Variants in EMCN observed in about 807,000 individuals in gnomAD.
EMCN encodes MUC-14.
A neutral mutation model predicts 38.4 loss-of-function variants in EMCN; 37 were observed. The ratio of observed to expected loss-of-function variants is 0.96; its 90% CI spans 0.74 to 1.27. EMCN has a LOEUF of 1.27. Among genes scored for constraint, EMCN ranks in the 50% most tolerant of loss-of-function variants. The pLI, the probability that EMCN is intolerant of heterozygous loss-of-function variation, is 0.00. For synonymous variants in EMCN, 95 were observed against 100.8 expected, an observed-to-expected ratio of 0.94 and a Z score of 0.35; for missense variants, 318 against 302.8, an observed-to-expected ratio of 1.05 and a Z score of -0.37.
intron 11 of EMCN, among the ~76,000 whole-genome samples, chr4:100,399,447 A>C (rs1198751073): frequency 1.3e-5 from 2 of 152,108 alleles, no homozygotes; most frequent in Non-Finnish European, 2.9e-5. Context: ...GGGATGGCCG[A>C]ACTGTTGCTT....
intron 1 of EMCN, among the ~76,000 whole-genome samples, chr4:100,514,883 C>G (rs1729713508): frequency 6.6e-6 from 1 of 152,058 alleles, no homozygotes; most frequent in Admixed American, 6.6e-5. Context: ...CTCTTAAAGC[C>G]TACAATATAG....
intron 5 of EMCN, 118 bp downstream of exon 5, chr4:100,447,415 G>A (rs1578200412): frequency 1.1e-5 from 8 of 702,798 alleles, no homozygotes; most frequent in African/African-American, 7.1e-5. Context: ...TATTTGTGAT[G>A]TAATGTTTTC....
intron 2 of EMCN, among the ~76,000 whole-genome samples, chr4:100,478,276 GC>G (rs1202675382): frequency 1.3e-5 from 2 of 152,066 alleles, no homozygotes; most frequent in African/African-American, 4.8e-5. Flanking sequence ...TCTCTCAGTA[GC>G]TCTCATTAGA....
In EMCN at chr4:100,517,832, G is replaced by A. The variant is rs1432277089; in HGVS notation, c.64+19C>T. The A allele has an allele frequency of 5.0e-6, 8 of 1,610,918 alleles. No individual in the cohort carries two copies. Among genetic ancestry groups the A allele is most frequent in the Non-Finnish European group, 6.8e-6 (8 of 1,177,624 alleles). ...TGATTTCCAATCCGTACCACCAGAG[G>A]AATAAGAGACAAAAATACCTGTGCT... On this transcript the variant is annotated intron_variant, in intron 1 of 11. Coordinates refer to ENST00000296420, the MANE Select transcript of EMCN (RefSeq NM_016242.4).
At chr4:100,455,511 T>TG (rs1004714537) in intron 4 of EMCN, among the ~76,000 whole-genome samples, 2 of 95,596 alleles carry the variant, frequency 2.1e-5, no homozygotes, top group African/African-American at 8.4e-5. Context: ...GGTGAAAAGT[T>TG]TTTTTTTTTT....
chr4:100,468,494 C>T (rs1728385289), intron 3 of EMCN, among the ~76,000 whole-genome samples: 1 of 152,128 alleles, frequency 6.6e-6, no homozygotes, highest in Non-Finnish European at 1.5e-5. Flanking sequence ...ATTTGAATTA[C>T]AGCATTGTTT....
chr4:100,418,472 G>A (rs964070764), intron 8 of EMCN, among the ~76,000 whole-genome samples: 1 of 151,932 alleles, frequency 6.6e-6, no homozygotes, highest in Non-Finnish European at 1.5e-5. Context: ...GCCCTGTTGT[G>A]CTGTCAAATA....
rs1726114255 is a variant in EMCN, at chr4:100,396,189, G to A, written c.*2224C>T. 6.6e-6 allele frequency: 1 copy of A among 152,036 alleles called. No individual in the cohort carries two copies. The highest frequency in any genetic ancestry group is 2.4e-5 in the African/African-American group (1 of 41,396). The allele number at this position is 152,036 out of a possible 1,614,324, so 9.4% of individuals were successfully genotyped here. On this transcript the variant is annotated 3_prime_UTR_variant, in exon 12 of 12. Transcript: ENST00000296420. ...CTTTGAGATTGATATAAAATGCCGT[G>A]GACATCTCTGTAAACTTCTCAATCC...
intron 1 of EMCN, among the ~76,000 whole-genome samples, chr4:100,491,268 T>A (rs1363071737): frequency 6.6e-6 from 1 of 152,180 alleles, no homozygotes. Context: ...GGTTGATGAA[T>A]CTACTCTTAC....
At chr4:100,415,081 G>C (rs1023559116) in intron 10 of EMCN, among the ~76,000 whole-genome samples, 1 of 151,960 alleles carries the variant, frequency 6.6e-6, no homozygotes, top group Admixed American at 6.6e-5. Context: ...TTTTTCAGTA[G>C]TGACAGAGTT....
chr4:100,423,183 G>T, intron 6 of EMCN, 103 bp from the exon 7 acceptor site: 1 of 1,343,136 alleles, frequency 7.4e-7, no homozygotes, highest in Non-Finnish European at 1.1e-6. Flanking sequence ...TTGTAGGTAT[G>T]ATGCTGCAAG....
chr4:100,417,136 G>T lies in EMCN; in HGVS notation c.670C>A (p.Pro224Thr). The T allele has an allele frequency of 6.2e-7, 1 of 1,613,720 alleles. No individual in the cohort carries two copies. Among genetic ancestry groups the T allele is most frequent in the Middle Eastern group, 1.7e-4 (1 of 6,060 alleles). Residue 224 changes from proline (P) to threonine (T), a missense_variant, in exon 9 of 12, where the codon CCA (proline) becomes ACA (threonine). Physicochemically the swap from Pro to Thr is conservative, Grantham distance 38. Coordinates refer to ENST00000296420, the MANE Select transcript of EMCN (RefSeq NM_016242.4). Reference protein sequence around the residue: ...RMCWKADPGTPENGNDQPQSD... With the variant: ...RMCWKADPGTTENGNDQPQSD... ...ACTTACTGATCATTTCCATTTTCTG[G>T]TGTGCCTAGGAGAAGAGGGAGTTGT...
At chr4:100,418,707 C>T (rs539379437) in intron 8 of EMCN, among the ~76,000 whole-genome samples, 2 of 152,098 alleles carry the variant, frequency 1.3e-5, no homozygotes, top group Non-Finnish European at 2.9e-5. Flanking sequence ...CATGTTGTTG[C>T]AAATGACAGG....
intron 1 of EMCN, among the ~76,000 whole-genome samples, chr4:100,497,102 A>C (rs1729226598): frequency 6.6e-6 from 1 of 152,002 alleles, no homozygotes; most frequent in South Asian, 2.1e-4. Context: ...GGTAGAAACT[A>C]AGGGCCATGT....
Position 100,416,949 on chromosome 4 carries a change from A to G in EMCN, c.689+168T>C, listed in dbSNP as rs41275727. 3.2e-3 allele frequency among the ~76,000 whole-genome samples: 485 copies of G among 152,306 alleles called. 7 individuals carry two copies. The highest frequency in any genetic ancestry group is 0.022 in the South Asian group (105 of 4,822). ...CCATTCTAAGATTAAACATGATCTT[A>G]CATTTGGAATTTCTCTGTTAAATGG... On this transcript the variant is annotated intron_variant, in intron 9 of 11. Coordinates refer to ENST00000296420, the MANE Select transcript of EMCN (RefSeq NM_016242.4).
At chr4:100,500,535 C>T (rs1012064302) in intron 1 of EMCN, among the ~76,000 whole-genome samples, 1 of 152,098 alleles carries the variant, frequency 6.6e-6, no homozygotes, top group Non-Finnish European at 1.5e-5. Context: ...CTAGAGGTAA[C>T]TGCTAATCTG....
intron 1 of EMCN, among the ~76,000 whole-genome samples, chr4:100,486,172 T>A (rs1232558729): frequency 6.6e-6 from 1 of 152,170 alleles, no homozygotes; most frequent in African/African-American, 2.4e-5. Context: ...GAAATCAAAG[T>A]GAGGTCATGT....
intron 2 of EMCN, 25 bp downstream of exon 2, chr4:100,479,892 T>C: frequency 6.3e-7 from 1 of 1,583,334 alleles, no homozygotes; most frequent in Non-Finnish European, 8.6e-7. Flanking sequence ...AAAGTTAAAC[T>C]AAATTTACTA....
chr4:100,462,505 G>A (rs1728207978), intron 4 of EMCN, among the ~76,000 whole-genome samples: 1 of 152,178 alleles, frequency 6.6e-6, no homozygotes, highest in East Asian at 1.9e-4. Flanking sequence ...GAATGGGTGA[G>A]TATTTAGTGC....
Sources: gnomAD v4.1 joint callset for allele counts (sites outside exome capture counted in the v4.1 genomes callset) on GRCh38, gnomAD v4.1.1 for gene constraint, MANE v1.5 for transcripts, NCBI Gene and HGNC (gene_info 2026-07-23, HGNC 2026-07-21) for gene names.